The following MYT1L variants were observed in gnomAD, a reference collection of about 807,000 sequenced individuals.
The protein encoded by MYT1L is myelin transcription factor 1-like protein.
A neutral mutation model predicts 126.7 loss-of-function variants in MYT1L; 12 were observed. The ratio of observed to expected loss-of-function variants is 0.09; its 90% CI spans 0.06 to 0.15. The LOEUF is 0.15. Ranked by LOEUF, MYT1L falls within the 10% of genes least tolerant of loss-of-function variation. The pLI, the probability that MYT1L is intolerant of heterozygous loss-of-function variation, is 1.00. For synonymous variants in MYT1L, 541 were observed against 604.2 expected, an observed-to-expected ratio of 0.90 and a Z score of 1.53; for missense variants, 979 against 1,585.2, an observed-to-expected ratio of 0.62 and a Z score of 6.49.
chr2:1,836,461 G>A (rs1357778924), intron 21 of MYT1L, among the ~76,000 whole-genome samples: 3 of 148,938 alleles, frequency 2.0e-5, no homozygotes, highest in African/African-American at 7.5e-5. Context: ...CCATCAGCCT[G>A]TGCCCCCAAA....
intron 4 of MYT1L, among the ~76,000 whole-genome samples, chr2:2,022,933 T>G (rs929427063): frequency 6.6e-6 from 1 of 152,200 alleles, no homozygotes; most frequent in Admixed American, 6.5e-5. Flanking sequence ...GAGGCCAGCA[T>G]GTCAAATGTC....
intron 3 of MYT1L, among the ~76,000 whole-genome samples, chr2:2,129,068 C>T (rs550562281): frequency 6.6e-5 from 10 of 152,250 alleles, no homozygotes; most frequent in Admixed American, 3.3e-4. Flanking sequence ...TATTATCAGT[C>T]GCCACATTGA....
chr2:2,098,026 T>C (rs2077635163), intron 3 of MYT1L, among the ~76,000 whole-genome samples: 1 of 152,178 alleles, frequency 6.6e-6, no homozygotes, highest in Non-Finnish European at 1.5e-5. Context: ...GCCTGTTTCT[T>C]TACCTTCCAC....
chr2:2,269,825 T>C (rs2095226960), intron 2 of MYT1L, among the ~76,000 whole-genome samples: 1 of 152,226 alleles, frequency 6.6e-6, no homozygotes, highest in Non-Finnish European at 1.5e-5. Context: ...TCCATTTGCA[T>C]AAATTCAATC....
chr2:1,807,033 A>G (rs539400526), intron 22 of MYT1L, among the ~76,000 whole-genome samples: 10 of 152,282 alleles, frequency 6.6e-5, no homozygotes, highest in East Asian at 1.9e-4. Context: ...GGGTCCTTAC[A>G]CTGGCTGCTT....
intron 2 of MYT1L, among the ~76,000 whole-genome samples, chr2:2,278,199 A>T (rs1292985379): frequency 6.6e-6 from 1 of 152,210 alleles, no homozygotes; most frequent in African/African-American, 2.4e-5. Flanking sequence ...GTGTATATGT[A>T]ACGTGTGACA....
At chr2:2,285,123 A>G (rs2095500733) in intron 1 of MYT1L, among the ~76,000 whole-genome samples, 2 of 152,180 alleles carry the variant, frequency 1.3e-5, no homozygotes, top group South Asian at 4.1e-4. Context: ...CCTCCCTACA[A>G]AGTCTTCTAA....
At chr2:2,112,197 T>G (rs2147759645) in intron 3 of MYT1L, among the ~76,000 whole-genome samples, 1 of 152,272 alleles carries the variant, frequency 6.6e-6, no homozygotes, top group South Asian at 2.1e-4. Context: ...CAAAATATTC[T>G]GCATCCCCTT....
chr2:1,979,101 G>C lies in MYT1L; in HGVS notation c.152+64C>G. 7.4e-6 allele frequency: 10 copies of C among 1,355,960 alleles called. No individual in the cohort carries two copies. In the South Asian group the frequency reaches 1.2e-4, roughly 17 times the overall value. 84.0% of individuals were successfully genotyped at this position (1,355,960 alleles called of 1,614,324 possible). ...CACCTGCTCACACAGTTCATCATCA[G>C]GACTGGGTCCCCAAATAAGTCACTT... On this transcript the variant is annotated intron_variant, in intron 8 of 24. Transcript: ENST00000647738. The surrounding 1 kb of genome is among the most constrained non-coding windows in gnomAD (Gnocchi z 4.0).
intron 8 of MYT1L, among the ~76,000 whole-genome samples, chr2:1,971,537 C>A (rs2059808345): frequency 6.6e-6 from 1 of 152,162 alleles, no homozygotes; most frequent in South Asian, 2.1e-4. Context: ...TCAAGACCAA[C>A]CTGGCCAACA....
chr2:2,028,326 A>C (rs2065855358), intron 4 of MYT1L, among the ~76,000 whole-genome samples: 1 of 152,300 alleles, frequency 6.6e-6, no homozygotes, highest in Admixed American at 6.5e-5. Context: ...TGTGGGGTTC[A>C]TGCCCAGGGA....
At chr2:1,960,791 C>T (rs910127060) in intron 8 of MYT1L, among the ~76,000 whole-genome samples, 1 of 151,922 alleles carries the variant, frequency 6.6e-6, no homozygotes, top group Non-Finnish European at 1.5e-5. Context: ...AATGCACCTG[C>T]CTCCCTGGAC....
At chr2:1,931,746 G>C (rs1558442218) in intron 9 of MYT1L, among the ~76,000 whole-genome samples, 1 of 152,176 alleles carries the variant, frequency 6.6e-6, no homozygotes, top group Non-Finnish European at 1.5e-5. Flanking sequence ...TCCACCAATA[G>C]AAGGGATTCT....
At chr2:2,128,250 G>A (rs2081963055) in intron 3 of MYT1L, among the ~76,000 whole-genome samples, 1 of 152,120 alleles carries the variant, frequency 6.6e-6, no homozygotes, top group Non-Finnish European at 1.5e-5. Flanking sequence ...ATTCTCAAGT[G>A]ATTCTCCTGC....
At chr2:2,005,880 C>T (rs529978386) in intron 4 of MYT1L, among the ~76,000 whole-genome samples, 35 of 144,696 alleles carry the variant, frequency 2.4e-4, no homozygotes, top group African/African-American at 7.5e-4. Context: ...TTCCTGCATG[C>T]GTTCTTTCCT....
chr2:1,937,555 G>A (rs558512202), intron 9 of MYT1L, among the ~76,000 whole-genome samples: 14 of 138,588 alleles, frequency 1.0e-4, no homozygotes, highest in Non-Finnish European at 1.8e-4. Flanking sequence ...AGATCGCACA[G>A]TGAGAAGGCC....
rs527572118 is a variant in MYT1L, at chr2:2,247,563, G to T, written c.-421+36841C>A. 7.2e-5 allele frequency among the ~76,000 whole-genome samples: 11 copies of T among 152,154 alleles called. No homozygotes were observed. In the South Asian group the frequency reaches 2.3e-3, roughly 32 times the overall value. On this transcript the variant is annotated intron_variant, in intron 2 of 24. Coordinates refer to ENST00000647738, the MANE Select transcript of MYT1L (RefSeq NM_001303052.2). ...ATAGATATTTAAAGAACATTGAATG[G>T]CTACAGAATACACATTATTTTCTTC...
chr2:2,092,023 GTTCCATTTATTA>G (rs1252180784), intron 3 of MYT1L, among the ~76,000 whole-genome samples: 1 of 152,158 alleles, frequency 6.6e-6, no homozygotes, highest in Non-Finnish European at 1.5e-5. Flanking sequence ...AATAAGGCTG[GTTCCATTTATTA>G]TTCTTATGTT....
At chr2:2,233,381 G>A (rs1463956479) in intron 2 of MYT1L, among the ~76,000 whole-genome samples, 3 of 152,146 alleles carry the variant, frequency 2.0e-5, no homozygotes, top group Admixed American at 6.5e-5. Flanking sequence ...GGAGACCAAC[G>A]GGCTGCGGGA....
Sources: allele counts gnomAD v4.1 joint callset (sites outside exome capture counted in the v4.1 genomes callset), GRCh38; gene constraint gnomAD v4.1.1; non-coding constraint Gnocchi (gnomAD v3.1); transcripts MANE v1.5; gene names NCBI Gene and HGNC (gene_info 2026-07-23, HGNC 2026-07-21).